The following IGF2BP1 variants were observed in gnomAD, a reference collection of about 807,000 sequenced individuals.
IGF2BP1 encodes insulin-like growth factor 2 mRNA-binding protein 1.
In IGF2BP1, 11 loss-of-function variants were observed where a neutral mutation model predicts 74.9. That is an observed-to-expected ratio of 0.15 (90% confidence interval 0.09 to 0.24). IGF2BP1 has a LOEUF of 0.24. Ranked by LOEUF, IGF2BP1 falls within the 10% of genes least tolerant of loss-of-function variation. The pLI, the probability that IGF2BP1 is intolerant of heterozygous loss-of-function variation, is 1.00. For synonymous variants in IGF2BP1, 287 were observed against 281.8 expected, an observed-to-expected ratio of 1.02 and a Z score of -0.18; for missense variants, 440 against 757.4, an observed-to-expected ratio of 0.58 and a Z score of 4.92.
At chr17:49,004,730 G>A (rs955382877) in intron 2 of IGF2BP1, 15 of 152,056 alleles carry the variant, frequency 9.9e-5, no homozygotes, top group Admixed American at 7.2e-4. Flanking sequence ...GCCAGTCTTC[G>A]ACTCCATGTT....
chr17:49,027,831 G>A (rs1159122483), intron 4 of IGF2BP1, among the ~76,000 whole-genome samples: 5 of 118,080 alleles, frequency 4.2e-5, no homozygotes, highest in Non-Finnish European at 5.0e-5. Context: ...CAGCCTGGGC[G>A]AAAGAGCGAG....
chr17:49,039,626 C>T (rs1166850266), intron 6 of IGF2BP1, among the ~76,000 whole-genome samples: 1 of 151,860 alleles, frequency 6.6e-6, no homozygotes, highest in Admixed American at 6.6e-5. Flanking sequence ...GGGGTTTCAC[C>T]ATGCTGGCCA....
chr17:49,020,290 C>G (rs993286445), intron 2 of IGF2BP1, among the ~76,000 whole-genome samples: 2 of 152,022 alleles, frequency 1.3e-5, no homozygotes, highest in African/African-American at 4.8e-5. Context: ...GACCCACCCA[C>G]CTCGGTCTCC....
Position 48,997,567 on chromosome 17 carries a change from T to C in IGF2BP1, c.-179T>C. The C allele has an allele frequency of 1.6e-6, 1 of 633,138 alleles. No homozygotes were observed. Among genetic ancestry groups the C allele is most frequent in the Non-Finnish European group, 2.7e-6 (1 of 370,710 alleles). 39.2% of individuals were successfully genotyped at this position (633,138 alleles called of 1,614,324 possible). On this transcript the variant is annotated 5_prime_UTR_variant, in exon 1 of 15. Transcript: ENST00000290341. The surrounding 1 kb of genome is among the most constrained non-coding windows in gnomAD (Gnocchi z 4.8). ...GCTCTCCCCGAACTCTCCCGCGACC[T>C]CTGCGCGCCCTCAGGCCGCCTTCCC...
rs5820742 is a variant in IGF2BP1, at chr17:48,999,356, T to TAA, written c.236+196_236+197dup. On this transcript the variant is annotated intron_variant, in intron 2 of 14. Coordinates refer to ENST00000290341, the MANE Select transcript of IGF2BP1 (RefSeq NM_006546.4). The stretch of plus-strand genomic sequence containing the variant: ...CTTGTAATGGGTGGTTTACAGCTTG[T>TAA]AAAAAAAAAATAAATAAGTTGGGGC... 3.2e-3 allele frequency among the ~76,000 whole-genome samples: 472 copies of TAA among 148,136 alleles called. 2 individuals carry two copies. The highest frequency in any genetic ancestry group is 1.8e-3 in the Non-Finnish European group (118 of 67,016).
chr17:49,026,691 TCCTG>T (rs1446537835), intron 4 of IGF2BP1, among the ~76,000 whole-genome samples, 174 bp downstream of exon 4: 162 of 144,978 alleles, frequency 1.1e-3, no homozygotes, highest in Non-Finnish European at 2.1e-3. Flanking sequence ...CTTCCTGCCT[TCCTG>T]CCTTCCTGCC....
At position 48,997,716 on chromosome 17, in the gene IGF2BP1, G is replaced by A. The variant is rs760958071; in HGVS notation, c.-30G>A. On this transcript the variant is annotated 5_prime_UTR_variant, in exon 1 of 15. Coordinates refer to ENST00000290341, the MANE Select transcript of IGF2BP1 (RefSeq NM_006546.4). The surrounding 1 kb of genome is among the most constrained non-coding windows in gnomAD (Gnocchi z 4.8). Reference sequence around the variant, plus strand: ...CGCGCCCGCTCGTTCGGCCTTGCCCGGGACCGCGTCCTGCCCCGAGACCGC... The same window carrying A: ...CGCGCCCGCTCGTTCGGCCTTGCCCAGGACCGCGTCCTGCCCCGAGACCGC... 1.2e-6 allele frequency: 2 copies of A among 1,603,976 alleles called. No individual in the cohort carries two copies. Among genetic ancestry groups the A allele is most frequent in the Admixed American group, 1.7e-5 (1 of 59,324 alleles).
At chr17:48,999,216 T>C in intron 2 of IGF2BP1, 47 bp downstream of exon 2, 3 of 969,478 alleles carry the variant, frequency 3.1e-6, no homozygotes, top group Non-Finnish European at 5.0e-6. Flanking sequence ...CGCGGGGGTG[T>C]GCTGTGAAGC....
intron 2 of IGF2BP1, among the ~76,000 whole-genome samples, chr17:49,011,307 T>C (rs1169354813): frequency 6.6e-6 from 1 of 152,080 alleles, no homozygotes; most frequent in African/African-American, 2.4e-5. Context: ...CACTCCTGTT[T>C]ATTTCTCTTC....
chr17:49,026,118 A>AC (rs1039204309), intron 3 of IGF2BP1, among the ~76,000 whole-genome samples: 3 of 151,674 alleles, frequency 2.0e-5, no homozygotes, highest in Non-Finnish European at 2.9e-5. Context: ...GCCTCATGTA[A>AC]CCCACAGCCC....
chr17:48,996,776 C>T (rs938533360), upstream of IGF2BP1, among the ~76,000 whole-genome samples: 4 of 152,206 alleles, frequency 2.6e-5, no homozygotes, highest in Non-Finnish European at 5.9e-5. Flanking sequence ...ATACCCCGTT[C>T]CCAGCTTTCC....
chr17:49,053,577 G>C lies in IGF2BP1; in HGVS notation c.*4133G>C, dbSNP rs1227418169. Reference sequence around the variant, plus strand: ...CTCTGTCCCCTGCCCCTACTGCAGAGATAGCACTGCCGAGTTCCCTTCAGG... The same window carrying C: ...CTCTGTCCCCTGCCCCTACTGCAGACATAGCACTGCCGAGTTCCCTTCAGG... On this transcript the variant is annotated 3_prime_UTR_variant, in exon 15 of 15. Transcript: ENST00000290341. 6.5e-6 allele frequency: 1 copy of C among 152,760 alleles called. No homozygotes were observed. The highest frequency in any genetic ancestry group is 2.1e-4 in the South Asian group (1 of 4,832). The allele number at this position is 152,760 out of a possible 1,614,324, so 9.5% of individuals were successfully genotyped here.
chr17:49,024,693 AG>A (rs747359074), intron 2 of IGF2BP1, among the ~76,000 whole-genome samples: 48 of 152,352 alleles, frequency 3.2e-4, no homozygotes, highest in Non-Finnish European at 5.3e-4. Flanking sequence ...AGTGGAGCAT[AG>A]GTTTAAATCC....
At chr17:49,035,983 T>C (rs530779290) in intron 5 of IGF2BP1, among the ~76,000 whole-genome samples, 1 of 152,168 alleles carries the variant, frequency 6.6e-6, no homozygotes, top group South Asian at 2.1e-4. Context: ...GCCTGGTAAT[T>C]TGACACGGCC....
Position 49,054,116 on chromosome 17 carries a change from G to T in IGF2BP1, c.*4672G>T, listed in dbSNP as rs2042198763. On this transcript the variant is annotated 3_prime_UTR_variant, in exon 15 of 15. Transcript: ENST00000290341. ...GGATACATAAGGCTTCTCTATCGGG[G>T]TACGGGACAGGGAGGAGGCCTCATG... is the stretch of plus-strand genomic sequence containing the variant. 6.5e-6 allele frequency: 1 copy of T among 152,720 alleles called. No individual in the cohort carries two copies. The highest frequency in any genetic ancestry group is 1.5e-5 in the Non-Finnish European group (1 of 68,092). The allele number at this position is 152,720 out of a possible 1,614,324, so 9.5% of individuals were successfully genotyped here. A position where few individuals can be genotyped will look rare whatever the true frequency, so the allele number is the denominator to read the frequency against.
chr17:49,034,115 C>CTTT lies in IGF2BP1; in HGVS notation c.401+2160_401+2162dup, dbSNP rs762314265. On this transcript the variant is annotated intron_variant, in intron 5 of 14. Coordinates refer to ENST00000290341, the MANE Select transcript of IGF2BP1 (RefSeq NM_006546.4). ...GTTAGAATTATATCATGATTTGCCC[C>CTTT]TTTTTTTTTTTTTTTTTTTTGAGAT... is the stretch of plus-strand genomic sequence containing the variant. Among the ~76,000 whole-genome samples, 409 of 118,422 alleles carry CTTT rather than the reference C, an allele frequency of 3.5e-3. 8 individuals are homozygous for CTTT. The highest frequency in any genetic ancestry group is 8.4e-3 in the African/African-American group (250 of 29,608). The allele number at this position is 118,422 out of a possible 152,430, so 77.7% of individuals were successfully genotyped here.
At position 49,024,223 on chromosome 17, in the gene IGF2BP1, G is replaced by C. The variant is rs546484032; in HGVS notation, c.237-1395G>C. On this transcript the variant is annotated intron_variant, in intron 2 of 14. Transcript: ENST00000290341. ...TGGGATTACAGGCGTGAGCCACCGCGCGTGGCTAAAAATTACATTTTAAAG... is the reference window on the plus strand; with the variant it reads ...TGGGATTACAGGCGTGAGCCACCGCCCGTGGCTAAAAATTACATTTTAAAG... 8.6e-5 allele frequency among the ~76,000 whole-genome samples: 13 copies of C among 150,556 alleles called. No homozygotes were observed. In the East Asian group the frequency reaches 1.4e-3, roughly 16 times the overall value.
rs1323020005 is a variant in IGF2BP1, at chr17:49,054,013, C to G, written c.*4569C>G. The G allele has an allele frequency of 6.5e-6, 1 of 152,690 alleles. No individual in the cohort carries two copies. Among genetic ancestry groups the G allele is most frequent in the African/African-American group, 2.4e-5 (1 of 41,464 alleles). 9.5% of individuals were successfully genotyped at this position (152,690 alleles called of 1,614,324 possible). On this transcript the variant is annotated 3_prime_UTR_variant, in exon 15 of 15. Coordinates refer to ENST00000290341, the MANE Select transcript of IGF2BP1 (RefSeq NM_006546.4). ...AAAAGCCATTTCCCTTCCAAATACT[C>G]GACAATTTAGATGCAGAACATTTCT...
chr17:49,005,060 A>C (rs1567809095), intron 2 of IGF2BP1, among the ~76,000 whole-genome samples: 2 of 152,180 alleles, frequency 1.3e-5, no homozygotes, highest in African/African-American at 4.8e-5. Flanking sequence ...ACTGGATAGA[A>C]GGGGGGTCAT....
Sources: gnomAD v4.1 joint callset for allele counts (sites outside exome capture counted in the v4.1 genomes callset) on GRCh38, gnomAD v4.1.1 for gene constraint, Gnocchi (gnomAD v3.1) non-coding constraint, MANE v1.5 for transcripts, NCBI Gene and HGNC (gene_info 2026-07-23, HGNC 2026-07-21) for gene names.